TCF20: variants seen among roughly 807,000 people sequenced by gnomAD.
TCF20 encodes the protein transcription factor 20, also known as SPRE-binding protein.
A neutral mutation model predicts 148.6 loss-of-function variants in TCF20; 3 were observed. The ratio of observed to expected loss-of-function variants is 0.02; its 90% confidence interval spans 0.01 to 0.05. The LOEUF (loss-of-function observed/expected upper bound fraction) is 0.05, where lower values mean the gene tolerates loss of function less well. TCF20 is among the 10% of genes least tolerant of loss of function. The pLI is 1.00. For missense variants in TCF20, 2,350 were observed against 2,429.3 expected, an observed-to-expected ratio of 0.97 and a Z score of 0.69; for synonymous variants, 1,049 against 909.5, an observed-to-expected ratio of 1.15 and a Z score of -2.76.
At chr22:42,307,552 A>C (rs1194278078) in intron 1 of TCF20, among the ~76,000 whole-genome samples, 1 of 152,226 alleles carries the variant, frequency 6.6e-6, no homozygotes, top group Non-Finnish European at 1.5e-5. Context: ...CTCCCGGCCA[A>C]GGGCATGTAC....
At chr22:42,164,154 G>A (rs901632378) in intron 5 of TCF20, among the ~76,000 whole-genome samples, 1 of 151,794 alleles carries the variant, frequency 6.6e-6, no homozygotes, top group Non-Finnish European at 1.5e-5. Context: ...TACTGATTAA[G>A]GGCACCGATG....
At chr22:42,169,782 G>A in intron 4 of TCF20, 65 bp downstream of exon 4, 1 of 1,568,412 alleles carries the variant, frequency 6.4e-7, no homozygotes, top group Non-Finnish European at 8.7e-7. Flanking sequence ...CTGGTCTTCA[G>A]GTCTTTCAGG....
chr22:42,206,994 T>C (rs926236037), intron 2 of TCF20, among the ~76,000 whole-genome samples: 4 of 152,128 alleles, frequency 2.6e-5, no homozygotes, highest in African/African-American at 9.7e-5. Flanking sequence ...AGTGATTCTG[T>C]GCACTGCAAG....
intron 1 of TCF20, among the ~76,000 whole-genome samples, chr22:42,282,910 G>A (rs1222112663): frequency 2.6e-5 from 4 of 152,368 alleles, no homozygotes; most frequent in South Asian, 4.1e-4. Context: ...GCCCCACGCC[G>A]CCCAGCACGG....
chr22:42,259,552 T>C (rs1358477296), intron 1 of TCF20, among the ~76,000 whole-genome samples: 1 of 152,220 alleles, frequency 6.6e-6, no homozygotes, highest in Non-Finnish European at 1.5e-5. Flanking sequence ...CTAACTTACA[T>C]TCAAAACCAA....
chr22:42,202,021 C>T (rs1230030991), intron 2 of TCF20, among the ~76,000 whole-genome samples: 1 of 152,134 alleles, frequency 6.6e-6, no homozygotes, highest in African/African-American at 2.4e-5. Flanking sequence ...AAATACCTCA[C>T]ACCCTGCCAC....
Position 42,317,887 on chromosome 22 carries a change from C to G in TCF20, c.-37+25592G>C, listed in dbSNP as rs974023842. ...GAGCCAGATCCCACTCGAGCCCAGG[C>G]GGGGCACCCTCCTGGCTGCCTGCCG... On this transcript the variant is annotated intron_variant, in intron 1 of 1. Transcript: ENST00000515426. This position sits in a 1 kb window ranked among gnomAD's most constrained non-coding sequence, Gnocchi z 4.2. 2.0e-5 allele frequency among the ~76,000 whole-genome samples: 3 copies of G among 152,212 alleles called. No homozygotes were observed. Among genetic ancestry groups the G allele is most frequent in the Non-Finnish European group, 4.4e-5 (3 of 68,018 alleles).
At chr22:42,241,741 T>C (rs1038535244) in intron 1 of TCF20, among the ~76,000 whole-genome samples, 1 of 151,934 alleles carries the variant, frequency 6.6e-6, no homozygotes. Flanking sequence ...GCACAAGAAC[T>C]GCTTGAACCC....
intron 3 of TCF20, among the ~76,000 whole-genome samples, chr22:42,173,891 C>G (rs759880222): frequency 2.9e-4 from 44 of 152,228 alleles, no homozygotes; most frequent in Non-Finnish European, 4.4e-5. Flanking sequence ...CCAGACCCCT[C>G]TGTCTTGCTG....
chr22:42,207,150 T>C (rs1938439882), intron 2 of TCF20, among the ~76,000 whole-genome samples: 1 of 152,118 alleles, frequency 6.6e-6, no homozygotes, highest in African/African-American at 2.4e-5. Context: ...TAAGAGGAGT[T>C]AGATCCTTAA....
intron 3 of TCF20, among the ~76,000 whole-genome samples, chr22:42,170,819 G>C (rs1936091371): frequency 1.3e-5 from 2 of 151,968 alleles, no homozygotes; most frequent in Admixed American, 6.6e-5. Flanking sequence ...TCAAGCCAAA[G>C]CCTCCTTGTA....
chr22:42,225,265 C>CG (rs1569164112), intron 1 of TCF20, among the ~76,000 whole-genome samples: 2 of 151,942 alleles, frequency 1.3e-5, no homozygotes, highest in Non-Finnish European at 1.5e-5. Flanking sequence ...CAAAGTGCTG[C>CG]GATTACAGGG....
Position 42,210,447 on chromosome 22 carries a change from G to T in TCF20, c.4859C>A (p.Pro1620Gln). ...PEIKLKYATQ[P>Q]LDKTDAKNKS... Reference sequence around the variant, plus strand: ...GTTCTTGGCATCAGTTTTATCCAGTGGCTGGGTGGCATATTTTAGTTTGAT... The same window carrying T: ...GTTCTTGGCATCAGTTTTATCCAGTTGCTGGGTGGCATATTTTAGTTTGAT... Residue 1620 changes from proline (P) to glutamine (Q), a missense_variant, in exon 2 of 6, where the codon CCA becomes CAA. Pro to Gln is a moderately conservative substitution (Grantham distance 76, BLOSUM62 -1). Transcript: ENST00000677622. The surrounding 1 kb of genome is among the most constrained non-coding windows in gnomAD (Gnocchi z 4.7). 6.2e-7 allele frequency: 1 copy of T among 1,614,234 alleles called. No individual in the cohort carries two copies. The highest frequency in any genetic ancestry group is 1.1e-5 in the South Asian group (1 of 91,088).
intron 2 of TCF20, among the ~76,000 whole-genome samples, chr22:42,207,243 T>C (rs1426796312): frequency 6.6e-6 from 1 of 152,050 alleles, no homozygotes; most frequent in Non-Finnish European, 1.5e-5. Flanking sequence ...CATGAGCCCA[T>C]ATCCCCACCC....
Position 42,211,747 on chromosome 22 carries a change from A to G in TCF20, c.3559T>C (p.Ser1187Pro). ...GTTTGCCGAGAAAGATCCCAACAGG[A>G]TTCTTGTAACTTCTGGGAGCCATGC... ...LKHGSQKLQESCWDLSRQTSP... is the reference protein window; with the variant it reads ...LKHGSQKLQEPCWDLSRQTSP... The change falls in exon 2 of 6, where the codon TCC (serine) becomes CCC (proline). Residue 1187 changes from serine to proline, a missense_variant. Around this residue, in one of 7 missense-constraint regions of TCF20, gnomAD observed 1,641 missense variants for 1,662.6 expected, o/e 0.99. Coordinates refer to ENST00000677622, the MANE Select transcript of TCF20 (RefSeq NM_001378418.1). 6.2e-7 allele frequency: 1 copy of G among 1,614,116 alleles called. No homozygotes were observed. The highest frequency in any genetic ancestry group is 8.5e-7 in the Non-Finnish European group (1 of 1,180,036).
intron 2 of TCF20, among the ~76,000 whole-genome samples, chr22:42,192,359 C>G (rs1937376392): frequency 6.6e-6 from 1 of 152,190 alleles, no homozygotes; most frequent in African/African-American, 2.4e-5. Flanking sequence ...AGGTCTTTCT[C>G]ATTTTTACTC....
intron 1 of TCF20, among the ~76,000 whole-genome samples, chr22:42,236,002 T>A (rs2147292402): frequency 6.6e-6 from 1 of 152,288 alleles, no homozygotes; most frequent in Non-Finnish European, 1.5e-5. Flanking sequence ...AAGATCAGCC[T>A]GGCCAACATG....
At chr22:42,275,403 C>T (rs1435046590), upstream of TCF20, among the ~76,000 whole-genome samples, 4 of 152,206 alleles carry the variant, frequency 2.6e-5, no homozygotes, top group Admixed American at 1.3e-4. Flanking sequence ...GGCCAAGAAA[C>T]GGGAAGCCCG....
At position 42,211,219 on chromosome 22, in the gene TCF20, T is replaced by G. The variant is rs1481673758; in HGVS notation, c.4087A>C (p.Asn1363His). Residue 1363 changes from asparagine to histidine, a missense_variant, in exon 2 of 6, where the codon AAT (asparagine) becomes CAT (histidine). Transcript: ENST00000677622. The stretch of plus-strand genomic sequence containing the variant: ...TTCGAAGATGCGCTCCTCCTAATAT[T>G]TGGGGATGTAATCTTCTGAACTATA... ...EAIVQKITSP[N>H]IRRSASSNSA... The G allele has an allele frequency of 6.2e-7, 1 of 1,614,144 alleles. No individual in the cohort carries two copies. Among genetic ancestry groups the G allele is most frequent in the Non-Finnish European group, 8.5e-7 (1 of 1,180,024 alleles).
Sources: gnomAD v4.1 joint callset for allele counts (sites outside exome capture counted in the v4.1 genomes callset) on GRCh38, gnomAD v4.1.1 for gene constraint, gnomAD v4.1.1 regional missense constraint, Gnocchi (gnomAD v3.1) non-coding constraint, MANE v1.5 for transcripts, NCBI Gene and HGNC (gene_info 2026-07-23, HGNC 2026-07-21) for gene names.